SRPX: variants seen among roughly 807,000 people sequenced by gnomAD.
SRPX encodes the protein sushi repeat containing protein X-linked.
A neutral mutation model predicts 38.1 loss-of-function variants in SRPX; 24 were observed. The observed-to-expected ratio is 0.63, with a 90% CI of 0.46 to 0.89. The LOEUF (loss-of-function observed/expected upper bound fraction) is 0.89, where lower values mean the gene tolerates loss of function less well. Among genes scored for constraint, SRPX ranks in the 40% least tolerant of loss-of-function variants. The pLI is 0.00. For missense variants in SRPX, 416 were observed against 377.8 expected (o/e 1.10, Z -0.84); for synonymous variants, 184 against 153.8 (o/e 1.20, Z -1.45).
rs891121212 is a variant in SRPX at position 38,185,525 on chromosome X, G to C, written c.98-7181C>G. Among the ~76,000 whole-genome samples the C allele has an allele frequency of 2.7e-5, 3 of 111,539 alleles. No homozygotes were observed. In the Admixed American group the frequency reaches 2.9e-4, roughly 11 times the overall value. On this transcript the variant is annotated intron_variant, in intron 1 of 9. Coordinates refer to ENST00000378533, the MANE Select transcript of SRPX (RefSeq NM_006307.5). ...ATTTAAAGATGAAGGCAAAATTACG[G>C]CTGTAAAATCCTTTGTTAAATCAAG...
Position 38,185,037 on chromosome X carries a change from T to C in SRPX, c.98-6693A>G, listed in dbSNP as rs182929776. Reference sequence around the variant, plus strand: ...AGCCACATGTGGTTAATAGCTACCATACTGGATAGCACAGGCCTAGACCTA... The same window carrying C: ...AGCCACATGTGGTTAATAGCTACCACACTGGATAGCACAGGCCTAGACCTA... On this transcript the variant is annotated intron_variant, in intron 1 of 9. Coordinates refer to ENST00000378533, the MANE Select transcript of SRPX (RefSeq NM_006307.5). Among the ~76,000 whole-genome samples, 14 of 112,434 alleles carry C rather than the reference T, an allele frequency of 1.2e-4. No homozygotes were observed. The East Asian group carries it at 3.6e-3, about 29-fold the overall frequency.
rs764776775 is a variant in SRPX, at chrX:38,173,741, C to T, written c.349+419G>A. On this transcript the variant is annotated intron_variant, in intron 3 of 9. Coordinates refer to ENST00000378533, the MANE Select transcript of SRPX (RefSeq NM_006307.5). ...CTGGGATTACAGGCATGAGCCACTG[C>T]GCCCAGCCAGGAGAACTCTTCTTTA... 8.9e-5 allele frequency among the ~76,000 whole-genome samples: 10 copies of T among 112,070 alleles called. No homozygotes were observed. The East Asian group carries it at 1.1e-3, about 13-fold the overall frequency.
At chrX:38,195,757 T>C (rs751206887) in intron 1 of SRPX, among the ~76,000 whole-genome samples, 28 of 111,829 alleles carry the variant, frequency 2.5e-4, no homozygotes, top group African/African-American at 8.8e-4. Flanking sequence ...ATTTTACTTG[T>C]AGGAAAGTTG....
chrX:38,170,512 C>T (rs1034706613), intron 4 of SRPX, among the ~76,000 whole-genome samples: 2 of 111,485 alleles, frequency 1.8e-5, no homozygotes, highest in African/African-American at 6.5e-5. Context: ...CTCTTTTTTC[C>T]TGGGAGCTCT....
intron 1 of SRPX, among the ~76,000 whole-genome samples, chrX:38,194,036 T>C (rs1938952381): frequency 9.0e-6 from 1 of 111,600 alleles, no homozygotes; most frequent in Non-Finnish European, 1.9e-5. Context: ...GGTGAGACCT[T>C]GGATACAGAA....
chrX:38,150,190 G>A (rs1020440670), intron 9 of SRPX, among the ~76,000 whole-genome samples: 1 of 112,358 alleles, frequency 8.9e-6, no homozygotes. Flanking sequence ...GAAAAGCACT[G>A]CTTTGGTTTT....
intron 1 of SRPX, among the ~76,000 whole-genome samples, chrX:38,186,220 G>A (rs777739062): frequency 3.6e-5 from 4 of 111,012 alleles, no homozygotes; most frequent in South Asian, 3.9e-4. Context: ...TCATGAGGGC[G>A]CCCTGTGGAG....
intron 8 of SRPX, 137 bp downstream of exon 8, chrX:38,156,759 G>A (rs1938139376): frequency 1.6e-5 from 11 of 689,963 alleles, no homozygotes; most frequent in South Asian, 3.1e-5. Flanking sequence ...ATGAATGGTG[G>A]TAGCTCTAAA....
intron 1 of SRPX, among the ~76,000 whole-genome samples, chrX:38,188,471 G>T (rs1196870570): frequency 8.9e-6 from 1 of 111,877 alleles, no homozygotes; most frequent in Non-Finnish European, 1.9e-5. Flanking sequence ...AATTGAAAAT[G>T]TCAGGGTGCA....
intron 9 of SRPX, among the ~76,000 whole-genome samples, 177 bp downstream of exon 9, chrX:38,154,285 A>G (rs750505159): frequency 3.0e-4 from 34 of 112,180 alleles, no homozygotes; most frequent in Admixed American, 4.7e-4. Context: ...CCACTGCACA[A>G]TTTATTTGAA....
intron 4 of SRPX, among the ~76,000 whole-genome samples, chrX:38,168,057 G>A (rs1234966651): frequency 1.8e-5 from 2 of 112,323 alleles, no homozygotes; most frequent in African/African-American, 6.5e-5. Context: ...GATTACAGGT[G>A]TGAGCCACCA....
At chrX:38,191,713 C>T (rs747604211) in intron 1 of SRPX, among the ~76,000 whole-genome samples, 7 of 111,696 alleles carry the variant, frequency 6.3e-5, no homozygotes, top group Admixed American at 1.9e-4. Context: ...TGGTGACTGA[C>T]GACTGACAGA....
At chrX:38,203,950 C>G (rs1273531002) in intron 1 of SRPX, among the ~76,000 whole-genome samples, 1 of 111,968 alleles carries the variant, frequency 8.9e-6, no homozygotes, top group Admixed American at 9.5e-5. Flanking sequence ...TATATACTTG[C>G]AATAAACTAT....
At chrX:38,161,163 G>T in intron 5 of SRPX, 109 bp from the exon 6 acceptor site, 1 of 900,654 alleles carries the variant, frequency 1.1e-6, no homozygotes, top group South Asian at 3.5e-5. Flanking sequence ...GCAACCATTA[G>T]ACCAGTTTAA....
At chrX:38,213,483 A>G (rs1939372625) in intron 1 of SRPX, among the ~76,000 whole-genome samples, 1 of 111,846 alleles carries the variant, frequency 8.9e-6, no homozygotes, top group Admixed American at 9.5e-5. Flanking sequence ...ACTGACACTG[A>G]GGCAGCAACT....
At position 38,160,012 on chromosome X, in the gene SRPX, C is replaced by T. The variant is rs1569203962; in HGVS notation, c.955+5G>A. ...TGCTGCAGGCTGGAGGGGCGGCATA[C>T]CTACCTGCACAGGTGGGCTCCGTGC... On this transcript the variant is annotated splice_donor_5th_base_variant and intron_variant, in intron 7 of 9. Coordinates refer to ENST00000378533, the MANE Select transcript of SRPX (RefSeq NM_006307.5). 1 of 1,206,832 alleles carries T rather than the reference C, an allele frequency of 8.3e-7. No individual in the cohort carries two copies.
intron 4 of SRPX, 94 bp downstream of exon 4, chrX:38,171,787 G>T: frequency 2.1e-6 from 2 of 931,378 alleles, no homozygotes; most frequent in Non-Finnish European, 1.5e-6. Context: ...GGCCTTACAG[G>T]AGGAATAGTG....
At chrX:38,160,867 G>A (rs997277371) in intron 6 of SRPX, 66 bp downstream of exon 6, 104 of 1,162,069 alleles carry the variant, frequency 8.9e-5, no homozygotes, top group Non-Finnish European at 1.2e-4. Flanking sequence ...GTTCTGGCTT[G>A]AGGACCTACT....
Position 38,159,943 on chromosome X carries a change from A to G in SRPX, c.955+74T>C, listed in dbSNP as rs965934133. The stretch of plus-strand genomic sequence containing the variant: ...AACTTCTCAAAGTATATGAAGGGAA[A>G]CCTCTCTTGCACTGGAATCAAGAAC... On this transcript the variant is annotated intron_variant, in intron 7 of 9. Transcript: ENST00000378533. The G allele has an allele frequency of 1.7e-5, 18 of 1,087,450 alleles. No homozygotes were observed. In the African/African-American group the frequency reaches 3.3e-4, roughly 20 times the overall value. The allele number at this position is 1,087,450 out of a possible 1,213,427, so 89.6% of individuals were successfully genotyped here. A position where few individuals can be genotyped will look rare whatever the true frequency, so the allele number is the denominator to read the frequency against.
Sources: gnomAD v4.1 joint callset for allele counts (sites outside exome capture counted in the v4.1 genomes callset) on GRCh38, gnomAD v4.1.1 for gene constraint, MANE v1.5 for transcripts, NCBI Gene and HGNC (gene_info 2026-07-23, HGNC 2026-07-21) for gene names.